Variants in C8orf34 observed in about 807,000 individuals in gnomAD.
The protein encoded by C8orf34 is uncharacterized protein C8orf34.
In C8orf34, 65 loss-of-function variants were observed where a neutral mutation model predicts 68.3. That is an observed-to-expected ratio of 0.95 (90% CI 0.78 to 1.17). The LOEUF (loss-of-function observed/expected upper bound fraction) is 1.17, where lower values mean the gene tolerates loss of function less well. Among genes scored for constraint, C8orf34 ranks in the 50% most tolerant of loss-of-function variants. The pLI, the probability that C8orf34 is intolerant of heterozygous loss-of-function variation, is 0.00. For missense variants in C8orf34, 664 were observed against 655.4 expected, an observed-to-expected ratio of 1.01 and a Z score of -0.14; for synonymous variants, 244 against 241.2, an observed-to-expected ratio of 1.01 and a Z score of -0.11.
intron 8 of C8orf34, among the ~76,000 whole-genome samples, chr8:68,672,150 A>G (rs1820032321): frequency 6.6e-6 from 1 of 152,212 alleles, no homozygotes; most frequent in South Asian, 2.1e-4. Flanking sequence ...AGAGGAGTGT[A>G]GGGAAGTCTG....
chr8:68,567,097 T>C (rs1409634299), intron 7 of C8orf34, among the ~76,000 whole-genome samples: 3 of 152,180 alleles, frequency 2.0e-5, no homozygotes, highest in Non-Finnish European at 4.4e-5. Context: ...CTTTTTTGGT[T>C]GTGTTCCTTT....
intron 6 of C8orf34, among the ~76,000 whole-genome samples, chr8:68,529,994 G>A (rs1004355868): frequency 6.6e-6 from 1 of 151,690 alleles, no homozygotes; most frequent in Middle Eastern, 3.2e-3. Context: ...CTCCTAAGGG[G>A]GAAAATCGCC....
chr8:68,368,922 CTT>C (rs1357508103), intron 1 of C8orf34, among the ~76,000 whole-genome samples: 2 of 152,042 alleles, frequency 1.3e-5, no homozygotes, highest in African/African-American at 4.8e-5. Context: ...TCAATTCTTT[CTT>C]TTGTTGTTAT....
At chr8:68,453,040 T>C (rs932219636) in intron 3 of C8orf34, among the ~76,000 whole-genome samples, 2 of 151,984 alleles carry the variant, frequency 1.3e-5, no homozygotes, top group African/African-American at 4.8e-5. Context: ...CCTCATTGAA[T>C]AATCTTGTCA....
At chr8:68,593,369 G>A (rs1316530920) in intron 7 of C8orf34, among the ~76,000 whole-genome samples, 2 of 152,082 alleles carry the variant, frequency 1.3e-5, no homozygotes, top group Non-Finnish European at 1.5e-5. Flanking sequence ...GTCTTGAAAT[G>A]AAAATTTTTT....
chr8:68,613,656 A>G (rs1169300915), intron 7 of C8orf34, among the ~76,000 whole-genome samples: 4 of 151,574 alleles, frequency 2.6e-5, no homozygotes, highest in East Asian at 1.9e-4. Context: ...TCCATGGTGT[A>G]TATGTGCCAC....
intron 4 of C8orf34, among the ~76,000 whole-genome samples, chr8:68,476,274 G>A (rs144436511): frequency 6.6e-6 from 1 of 152,310 alleles, no homozygotes; most frequent in East Asian, 1.9e-4. Flanking sequence ...CTTGTACAAA[G>A]TACTTTAAAA....
chr8:68,771,780 T>A (rs1332997239), intron 10 of C8orf34, among the ~76,000 whole-genome samples: 1 of 151,602 alleles, frequency 6.6e-6, no homozygotes, highest in Non-Finnish European at 1.5e-5. Context: ...CATGTTTGTT[T>A]AAAAAAAAAT....
intron 5 of C8orf34, among the ~76,000 whole-genome samples, chr8:68,518,960 T>C (rs1042984602): frequency 6.6e-6 from 1 of 151,756 alleles, no homozygotes; most frequent in Non-Finnish European, 1.5e-5. Context: ...TAAATTGTGA[T>C]TGAAAGAACA....
chr8:68,732,322 TA>T (rs1822001165), intron 10 of C8orf34, among the ~76,000 whole-genome samples: 1 of 152,190 alleles, frequency 6.6e-6, no homozygotes. Flanking sequence ...ATCATATTGA[TA>T]AATATAAAAT....
intron 1 of C8orf34, among the ~76,000 whole-genome samples, chr8:68,345,698 T>C (rs1806252109): frequency 1.3e-5 from 2 of 151,972 alleles, no homozygotes; most frequent in Non-Finnish European, 2.9e-5. Flanking sequence ...TACATATATA[T>C]ACATATATAC....
chr8:68,589,721 A>T (rs1419614043), intron 7 of C8orf34, among the ~76,000 whole-genome samples: 1 of 143,910 alleles, frequency 6.9e-6, no homozygotes, highest in Non-Finnish European at 1.5e-5. Context: ...GGAGGAAAGG[A>T]AGGAAGGGAG....
chr8:68,527,527 G>A (rs1021522330), intron 6 of C8orf34, among the ~76,000 whole-genome samples: 18 of 152,252 alleles, frequency 1.2e-4, no homozygotes, highest in Middle Eastern at 3.4e-3. Context: ...AGCTGAGATC[G>A]TGCCACTGCA....
At chr8:68,772,801 CCTTT>C (rs777318220) in intron 10 of C8orf34, among the ~76,000 whole-genome samples, 1,603 of 146,740 alleles carry the variant, frequency 0.011, 34 homozygotes, top group African/African-American at 0.036. Context: ...CTCCCTCCCT[CCTTT>C]CTTTCTTTCT....
intron 10 of C8orf34, among the ~76,000 whole-genome samples, chr8:68,724,539 G>A (rs1821770756): frequency 6.6e-6 from 1 of 152,158 alleles, no homozygotes; most frequent in Admixed American, 6.5e-5. Flanking sequence ...ATATTTAAGT[G>A]ACGTGGAGGC....
rs761744915 is a variant in C8orf34, at chr8:68,414,000, T to A, written c.328-25499T>A. On this transcript the variant is annotated intron_variant, in intron 1 of 13. Coordinates refer to ENST00000518698, the MANE Select transcript of C8orf34 (RefSeq NM_052958.4). ...CTGTGAGCACTTTAACAATTCTTTT[T>A]AATGTATCAACCTCTCCAATACCCT... Among the ~76,000 whole-genome samples, 80 of 152,298 alleles carry A rather than the reference T, an allele frequency of 5.3e-4. 1 individual carries two copies. The highest frequency in any genetic ancestry group is 8.1e-4 in the Non-Finnish European group (55 of 68,018).
At chr8:68,674,972 A>G (rs911010209) in intron 8 of C8orf34, among the ~76,000 whole-genome samples, 1 of 152,010 alleles carries the variant, frequency 6.6e-6, no homozygotes, top group Non-Finnish European at 1.5e-5. Flanking sequence ...TTCAGTGGGA[A>G]CTTTACAGGC....
At chr8:68,575,171 T>C (rs917885767) in intron 7 of C8orf34, among the ~76,000 whole-genome samples, 1 of 152,046 alleles carries the variant, frequency 6.6e-6, no homozygotes, top group African/African-American at 2.4e-5. Context: ...AAGGATGTCA[T>C]AAGTTTATAA....
chr8:68,590,430 C>A (rs1002774853), intron 7 of C8orf34, among the ~76,000 whole-genome samples: 6 of 151,974 alleles, frequency 3.9e-5, no homozygotes, highest in African/African-American at 1.4e-4. Flanking sequence ...TTACTTTAAG[C>A]CCAAAGTACA....
Sources: allele counts gnomAD v4.1 joint callset (sites outside exome capture counted in the v4.1 genomes callset), GRCh38; gene constraint gnomAD v4.1.1; transcripts MANE v1.5; gene names NCBI Gene and HGNC (gene_info 2026-07-23, HGNC 2026-07-21).